TBC1D1: variants seen among roughly 807,000 people sequenced by gnomAD.
TBC1D1 encodes the protein TBC1 domain family member 1, also known as TBC1 (tre-2/USP6, BUB2, cdc16) domain family, member 1.
TBC1D1 carries 89 observed loss-of-function variants against 125.6 expected under a neutral mutation model. The observed-to-expected ratio is 0.71, with a 90% CI of 0.60 to 0.85. TBC1D1 has a LOEUF of 0.85. TBC1D1 is among the 40% of genes least tolerant of loss of function. The pLI is 0.00. For missense variants in TBC1D1, 1,377 were observed against 1,469.2 expected, an observed-to-expected ratio of 0.94 and a Z score of 1.03; for synonymous variants, 565 against 564.1, an observed-to-expected ratio of 1.00 and a Z score of -0.02.
intron 2 of TBC1D1, among the ~76,000 whole-genome samples, chr4:37,978,670 A>G (rs985102082): frequency 1.3e-5 from 2 of 152,378 alleles, no homozygotes; most frequent in East Asian, 3.9e-4. Flanking sequence ...GGTAAATAAC[A>G]TTCCATTAGA....
intron 2 of TBC1D1, among the ~76,000 whole-genome samples, chr4:37,969,344 T>TTTTG (rs1414883781): frequency 6.6e-6 from 1 of 152,198 alleles, no homozygotes; most frequent in Non-Finnish European, 1.5e-5. Flanking sequence ...TTATCTGTGT[T>TTTTG]TTTGTTTGTT....
chr4:38,040,797 G>C (rs1306705864), intron 8 of TBC1D1, among the ~76,000 whole-genome samples: 1 of 152,196 alleles, frequency 6.6e-6, no homozygotes, highest in Non-Finnish European at 1.5e-5. Flanking sequence ...TGATTGCACA[G>C]AACCGGTTGC....
chr4:37,991,289 T>G (rs983314701), intron 2 of TBC1D1, among the ~76,000 whole-genome samples: 1 of 152,250 alleles, frequency 6.6e-6, no homozygotes, highest in East Asian at 1.9e-4. Context: ...ATTTTTATTC[T>G]GGGTGCCAGA....
At chr4:38,055,928 G>A (rs1418423067) in intron 12 of TBC1D1, among the ~76,000 whole-genome samples, 2 of 152,194 alleles carry the variant, frequency 1.3e-5, no homozygotes, top group Non-Finnish European at 2.9e-5. Flanking sequence ...CCCAAGTTTC[G>A]GTGTTTAATA....
chr4:38,017,164 T>C (rs924314103), intron 3 of TBC1D1, among the ~76,000 whole-genome samples: 1 of 152,204 alleles, frequency 6.6e-6, no homozygotes, highest in African/African-American at 2.4e-5. Flanking sequence ...TCTCACCTTA[T>C]GAGATTTTCA....
intron 18 of TBC1D1, among the ~76,000 whole-genome samples, chr4:38,126,987 C>G (rs189794949): frequency 6.6e-6 from 1 of 152,058 alleles, no homozygotes; most frequent in African/African-American, 2.4e-5. Flanking sequence ...TTCATTCATT[C>G]TTTCTTTCAT....
At position 38,084,543 on chromosome 4, in the gene TBC1D1, T is replaced by C. The variant is rs577448470; in HGVS notation, c.2051-5389T>C. On this transcript the variant is annotated intron_variant, in intron 12 of 19. Transcript: ENST00000261439. ...ACAATATGACAACATTAAGTCTACA[T>C]GGTCATTTTACTTTGTTTTTTTCTA... is the stretch of plus-strand genomic sequence containing the variant. Among the ~76,000 whole-genome samples the C allele has an allele frequency of 9.2e-5, 14 of 152,366 alleles. No homozygotes were observed. In the South Asian group the frequency reaches 2.9e-3, roughly 32 times the overall value.
intron 12 of TBC1D1, among the ~76,000 whole-genome samples, chr4:38,074,249 T>A (rs531073583): frequency 2.0e-4 from 31 of 152,286 alleles, no homozygotes; most frequent in African/African-American, 7.2e-4. Context: ...AGGGGAAGGT[T>A]CTTTTCAAAA....
At chr4:38,090,231 A>G (rs1231875336) in intron 13 of TBC1D1, 114 bp downstream of exon 15, 3 of 969,772 alleles carry the variant, frequency 3.1e-6, no homozygotes, top group East Asian at 4.9e-5. Context: ...AGTCTAATGT[A>G]TACATCTATC....
intron 2 of TBC1D1, among the ~76,000 whole-genome samples, chr4:37,964,745 CT>C (rs1321060299): frequency 6.6e-6 from 1 of 152,254 alleles, no homozygotes; most frequent in Non-Finnish European, 1.5e-5. Context: ...AATTTGCTTC[CT>C]TTCTCTCTTC....
At position 38,036,872 on chromosome 4, in the gene TBC1D1, A is replaced by C. The variant is rs1226532790; in HGVS notation, c.1413+1174A>C. On this transcript the variant is annotated intron_variant, in intron 8 of 19. Transcript: ENST00000261439. ...TCCTCCCTTCCCAACCTGTACCCTTAAGATAGCATTCAAGTTCTGTGTCTC... is the reference window on the plus strand; with the variant it reads ...TCCTCCCTTCCCAACCTGTACCCTTCAGATAGCATTCAAGTTCTGTGTCTC... 2.0e-5 allele frequency among the ~76,000 whole-genome samples: 3 copies of C among 152,282 alleles called. No homozygotes were observed. The East Asian group carries it at 5.8e-4, about 29-fold the overall frequency.
chr4:37,972,288 C>A (rs1196724217), intron 2 of TBC1D1, among the ~76,000 whole-genome samples: 1 of 151,676 alleles, frequency 6.6e-6, no homozygotes, highest in Non-Finnish European at 1.5e-5. Context: ...TTGAGAGTAG[C>A]CTGACCAACA....
In TBC1D1 at chr4:37,964,190, A is replaced by G. The variant is rs16994123; in HGVS notation, c.418-50319A>G. On this transcript the variant is annotated intron_variant, in intron 2 of 19. Coordinates refer to ENST00000261439, the MANE Select transcript of TBC1D1 (RefSeq NM_015173.4). ...ATGGCTTAAGTTCAGTGCTCTGCAC[A>G]CACATGGGCCAGGGTTGGATATGCG... Among the ~76,000 whole-genome samples the G allele has an allele frequency of 7.6e-3, 1,164 of 152,362 alleles. 13 individuals are homozygous for G. The highest frequency in any genetic ancestry group is 0.027 in the African/African-American group (1,113 of 41,574).
chr4:38,079,669 A>C (rs1398706838), intron 12 of TBC1D1, among the ~76,000 whole-genome samples: 1 of 152,150 alleles, frequency 6.6e-6, no homozygotes, highest in Non-Finnish European at 1.5e-5. Context: ...CGGAGGTTGC[A>C]ATGAGCCAAG....
intron 19 of TBC1D1, among the ~76,000 whole-genome samples, 190 bp from the exon 22 acceptor site, chr4:38,136,945 G>T (rs1766728656): frequency 6.6e-6 from 1 of 152,106 alleles, no homozygotes; most frequent in African/African-American, 2.4e-5. Context: ...GTGCTTTTAA[G>T]GGCCTGGCCA....
chr4:37,970,473 C>T (rs1731811212), intron 2 of TBC1D1, among the ~76,000 whole-genome samples: 1 of 152,210 alleles, frequency 6.6e-6, no homozygotes, highest in Non-Finnish European at 1.5e-5. Flanking sequence ...CATGCGGATC[C>T]TTCTTCCTGG....
chr4:37,911,805 C>G (rs374572337), intron 2 of TBC1D1, among the ~76,000 whole-genome samples: 2 of 152,116 alleles, frequency 1.3e-5, no homozygotes, highest in African/African-American at 4.8e-5. Flanking sequence ...GCCATATTTT[C>G]AGGAGTTAGC....
At chr4:38,121,213 G>C (rs1763798640) in intron 17 of TBC1D1, among the ~76,000 whole-genome samples, 1 of 152,218 alleles carries the variant, frequency 6.6e-6, no homozygotes, top group South Asian at 2.1e-4. Flanking sequence ...GCCACGACTG[G>C]AGGACCGCAG....
chr4:38,121,022 T>C (rs956978290), intron 17 of TBC1D1, among the ~76,000 whole-genome samples: 4 of 152,104 alleles, frequency 2.6e-5, no homozygotes, highest in African/African-American at 9.7e-5. Flanking sequence ...TCAGAGAGAC[T>C]TTAGGATGAA....
Sources: allele counts gnomAD v4.1 joint callset (sites outside exome capture counted in the v4.1 genomes callset), GRCh38; gene constraint gnomAD v4.1.1; transcripts MANE v1.5; gene names NCBI Gene and HGNC (gene_info 2026-07-23, HGNC 2026-07-21).